AGAP1: variants seen among roughly 807,000 people sequenced by gnomAD.
The protein encoded by AGAP1 is ArfGAP with GTPase domain, ankyrin repeat and PH domain 1.
A neutral mutation model predicts 105.3 loss-of-function variants in AGAP1; 29 were observed. The ratio of observed to expected loss-of-function variants is 0.28; its 90% CI spans 0.21 to 0.38. The LOEUF (loss-of-function observed/expected upper bound fraction) is 0.38, where lower values mean the gene tolerates loss of function less well. Ranked by LOEUF, AGAP1 falls within the 10% of genes least tolerant of loss-of-function variation. The pLI, the probability that AGAP1 is intolerant of heterozygous loss-of-function variation, is 1.00. For synonymous variants in AGAP1, 509 were observed against 485.9 expected (o/e 1.05, Z -0.63); for missense variants, 998 against 1,165.1 (o/e 0.86, Z 2.09).
intron 1 of AGAP1, among the ~76,000 whole-genome samples, chr2:235,514,547 C>G (rs1162320023): frequency 1.3e-5 from 2 of 152,282 alleles, no homozygotes; most frequent in African/African-American, 4.8e-5. Flanking sequence ...GGGGCCCTGC[C>G]TGGGGGTTTG....
intron 1 of AGAP1, among the ~76,000 whole-genome samples, chr2:235,506,535 G>A (rs146685192): frequency 6.6e-6 from 1 of 151,910 alleles, no homozygotes; most frequent in African/African-American, 2.4e-5. Flanking sequence ...AAAAAAAATT[G>A]AACTGTGATG....
intron 15 of AGAP1, among the ~76,000 whole-genome samples, chr2:236,047,766 A>T (rs2057767230): frequency 6.6e-6 from 1 of 150,482 alleles, no homozygotes; most frequent in South Asian, 2.1e-4. Flanking sequence ...TACCCAACTA[A>T]TTTTTTTGTA....
rs1393976235 is a variant in AGAP1, at chr2:235,965,061, TAC to T, written c.1484-3398_1484-3397del. Reference sequence around the variant, plus strand: ...CTCAGGGGGTCTCAGGACTGCTGGCTACACCTCGGGTACAGTTAACCAAGGAG... The same window carrying T: ...CTCAGGGGGTCTCAGGACTGCTGGCTACCTCGGGTACAGTTAACCAAGGAG... On this transcript the variant is annotated intron_variant, in intron 12 of 17. Transcript: ENST00000304032. The surrounding 1 kb of genome is among the most constrained non-coding windows in gnomAD (Gnocchi z 5.8). Among the ~76,000 whole-genome samples, 1 of 152,226 alleles carries T rather than the reference TAC, an allele frequency of 6.6e-6. No homozygotes were observed. The highest frequency in any genetic ancestry group is 1.5e-5 in the Non-Finnish European group (1 of 68,038).
chr2:236,091,869 A>G (rs1045136976), intron 16 of AGAP1, among the ~76,000 whole-genome samples: 1 of 152,240 alleles, frequency 6.6e-6, no homozygotes, highest in Non-Finnish European at 1.5e-5. Flanking sequence ...AACAACCCAG[A>G]TGCCCTTCAG....
At chr2:235,531,901 T>G (rs1282641668) in intron 1 of AGAP1, among the ~76,000 whole-genome samples, 1 of 152,160 alleles carries the variant, frequency 6.6e-6, no homozygotes, top group Non-Finnish European at 1.5e-5. Flanking sequence ...CGTGAACCCC[T>G]GCACCCGGCC....
At chr2:236,019,293 C>A (rs1023493555) in intron 13 of AGAP1, among the ~76,000 whole-genome samples, 1 of 152,146 alleles carries the variant, frequency 6.6e-6, no homozygotes, top group Non-Finnish European at 1.5e-5. Flanking sequence ...CGCCCACTGC[C>A]CTCAGGGAGC....
At position 235,753,404 on chromosome 2, in the gene AGAP1, C is replaced by T. The variant is rs1019215963; in HGVS notation, c.673+2916C>T. 6.6e-6 allele frequency among the ~76,000 whole-genome samples: 1 copy of T among 152,102 alleles called. No homozygotes were observed. The highest frequency in any genetic ancestry group is 1.9e-4 in the East Asian group (1 of 5,180). On this transcript the variant is annotated intron_variant, in intron 6 of 17. Coordinates refer to ENST00000304032, the MANE Select transcript of AGAP1 (RefSeq NM_001037131.3). This position sits in a 1 kb window ranked among gnomAD's most constrained non-coding sequence, Gnocchi z 4.5. ...TCGTATTATAGAAATAATACACTCTCATTATGTATTCGGATTTTGGCTGGG... is the reference window on the plus strand; with the variant it reads ...TCGTATTATAGAAATAATACACTCTTATTATGTATTCGGATTTTGGCTGGG...
Position 235,964,383 on chromosome 2 carries a change from G to A in AGAP1, c.1484-4079G>A, listed in dbSNP as rs1189849663. Among the ~76,000 whole-genome samples, 1 of 152,182 alleles carries A rather than the reference G, an allele frequency of 6.6e-6. No homozygotes were observed. Among genetic ancestry groups the A allele is most frequent in the Non-Finnish European group, 1.5e-5 (1 of 68,038 alleles). On this transcript the variant is annotated intron_variant, in intron 12 of 17. Transcript: ENST00000304032. The surrounding 1 kb of genome is among the most constrained non-coding windows in gnomAD (Gnocchi z 4.6). ...TAGGGTTGAGCTCTCTGAGGGCAAA[G>A]ACAGTCACAGTGACCATTGTTTCCC...
chr2:235,889,023 G>A lies in AGAP1; in HGVS notation c.1155+5574G>A, dbSNP rs1274283542. Among the ~76,000 whole-genome samples the A allele has an allele frequency of 5.3e-5, 8 of 152,158 alleles. No individual in the cohort carries two copies. In the South Asian group the frequency reaches 8.3e-4, roughly 16 times the overall value. On this transcript the variant is annotated intron_variant, in intron 10 of 17. Coordinates refer to ENST00000304032, the MANE Select transcript of AGAP1 (RefSeq NM_001037131.3). This position sits in a 1 kb window ranked among gnomAD's most constrained non-coding sequence, Gnocchi z 4.6. ...TGAAGAGGTCATTTCTGTTCCTGAG[G>A]TATCTGAACACAGTTTGCTTATTGC...
At chr2:235,547,945 G>A (rs145869006) in intron 1 of AGAP1, among the ~76,000 whole-genome samples, 4 of 152,338 alleles carry the variant, frequency 2.6e-5, no homozygotes, top group Admixed American at 2.0e-4. Context: ...GAAATTCCAC[G>A]CCTGTTTGTG....
chr2:235,902,890 C>CT (rs1202141953), intron 10 of AGAP1, among the ~76,000 whole-genome samples: 2 of 152,118 alleles, frequency 1.3e-5, no homozygotes, highest in African/African-American at 2.4e-5. Context: ...GGTAGCACTT[C>CT]TTTTTTTAAG....
At chr2:235,694,203 G>C (rs1949883354) in intron 1 of AGAP1, among the ~76,000 whole-genome samples, 1 of 148,782 alleles carries the variant, frequency 6.7e-6, no homozygotes, top group Non-Finnish European at 1.5e-5. Context: ...AATTTGGCCA[G>C]GCATGGTGGC....
At chr2:235,680,503 C>T (rs770570413) in intron 1 of AGAP1, among the ~76,000 whole-genome samples, 30 of 152,100 alleles carry the variant, frequency 2.0e-4, no homozygotes, top group Non-Finnish European at 3.8e-4. Context: ...TTCTGTGGCT[C>T]TCTATGGGCC....
intron 1 of AGAP1, among the ~76,000 whole-genome samples, chr2:235,629,879 A>AAG (rs1361169470): frequency 6.6e-6 from 1 of 151,214 alleles, no homozygotes. Flanking sequence ...AAAAAAAAAA[A>AAG]AAAAGAAAGA....
rs1473076317 is a variant in AGAP1, at chr2:235,586,997, T to C, written c.163+92148T>C. 6.6e-6 allele frequency among the ~76,000 whole-genome samples: 1 copy of C among 152,232 alleles called. No homozygotes were observed. The highest frequency in any genetic ancestry group is 6.5e-5 in the Admixed American group (1 of 15,288). ...GTCCCATGAAAACAAACACATTTAC[T>C]CTGTCTAGCTCCATCTCTAGTTAAT... On this transcript the variant is annotated intron_variant, in intron 1 of 17. Coordinates refer to ENST00000304032, the MANE Select transcript of AGAP1 (RefSeq NM_001037131.3). The surrounding 1 kb of genome is among the most constrained non-coding windows in gnomAD (Gnocchi z 4.2).
chr2:235,892,821 T>C (rs1396109844), intron 10 of AGAP1, among the ~76,000 whole-genome samples: 1 of 152,142 alleles, frequency 6.6e-6, no homozygotes, highest in African/African-American at 2.4e-5. Context: ...TTTCACTGGT[T>C]TCCCCAGAAC....
chr2:235,645,524 G>A (rs540465397), intron 1 of AGAP1, among the ~76,000 whole-genome samples: 12 of 152,250 alleles, frequency 7.9e-5, no homozygotes, highest in East Asian at 1.9e-4. Flanking sequence ...GCTTAGTAAC[G>A]CTCCTTTAGT....
chr2:235,696,179 A>G (rs142584599), intron 1 of AGAP1, among the ~76,000 whole-genome samples: 31 of 152,242 alleles, frequency 2.0e-4, no homozygotes, highest in African/African-American at 6.3e-4. Flanking sequence ...CAAAGTAGCT[A>G]GGATTACAGG....
chr2:236,098,993 G>T (rs531669633), intron 16 of AGAP1, among the ~76,000 whole-genome samples: 6 of 152,026 alleles, frequency 3.9e-5, no homozygotes, highest in South Asian at 4.2e-4. Context: ...GAGATGTAAG[G>T]ACTAGAGGAA....
Sources: gnomAD v4.1 joint callset for allele counts (sites outside exome capture counted in the v4.1 genomes callset) on GRCh38, gnomAD v4.1.1 for gene constraint, Gnocchi (gnomAD v3.1) non-coding constraint, MANE v1.5 for transcripts, NCBI Gene and HGNC (gene_info 2026-07-23, HGNC 2026-07-21) for gene names.